The following VAC14 variants were observed in gnomAD, a reference collection of about 807,000 sequenced individuals.
The protein encoded by VAC14 is protein VAC14 homolog.
Under a neutral mutation model 85.3 loss-of-function variants are expected in VAC14, and 47 were observed. The ratio of observed to expected loss-of-function variants is 0.55; its 90% CI spans 0.44 to 0.70. The LOEUF (loss-of-function observed/expected upper bound fraction) is 0.70. Ranked by LOEUF, VAC14 falls within the 30% of genes least tolerant of loss-of-function variation. The pLI, the probability that VAC14 is intolerant of heterozygous loss-of-function variation, is 0.00. For synonymous variants in VAC14, 447 were observed against 430.5 expected (o/e 1.04, Z -0.47); for missense variants, 861 against 1,004.3 (o/e 0.86, Z 1.93).
chr16:70,736,376 G>A (rs2054753482), intron 13 of VAC14, among the ~76,000 whole-genome samples: 1 of 152,178 alleles, frequency 6.6e-6, no homozygotes, highest in Admixed American at 6.5e-5. Flanking sequence ...CAGAATGGAT[G>A]TCTGGGGGCT....
chr16:70,707,967 T>A (rs1410520369), intron 14 of VAC14, among the ~76,000 whole-genome samples: 1 of 152,136 alleles, frequency 6.6e-6, no homozygotes, highest in South Asian at 2.1e-4. Context: ...ATTTTTGTAT[T>A]TTTAGTAGAG....
At chr16:70,797,778 G>A (rs1483816810) in intron 1 of VAC14, among the ~76,000 whole-genome samples, 1 of 152,122 alleles carries the variant, frequency 6.6e-6, no homozygotes, top group Non-Finnish European at 1.5e-5. Context: ...GTGATAGTGA[G>A]TTCTCAAGAG....
intron 9 of VAC14, among the ~76,000 whole-genome samples, chr16:70,779,922 C>CCTCCTGGG (rs1188058510): frequency 1.2e-4 from 19 of 152,098 alleles, no homozygotes; most frequent in Admixed American, 6.5e-5. Context: ...GCAACTTCTG[C>CCTCCTGGG]CTCCTGGGCT....
chr16:70,800,622 C>T (rs541511844), intron 1 of VAC14, among the ~76,000 whole-genome samples, 175 bp downstream of exon 1: 6 of 152,318 alleles, frequency 3.9e-5, no homozygotes, highest in African/African-American at 7.2e-5. Context: ...CACAGCCAGT[C>T]AGGAGTAAAG....
chr16:70,709,230 C>T (rs1220428516), intron 14 of VAC14, among the ~76,000 whole-genome samples: 1 of 152,188 alleles, frequency 6.6e-6, no homozygotes, highest in Non-Finnish European at 1.5e-5. Context: ...CAAAGACCCC[C>T]TTGGTCAGCC....
chr16:70,781,780 GAGAGCCCC>G, intron 8 of VAC14, 81 bp downstream of exon 8: 29 of 1,530,240 alleles, frequency 1.9e-5, no homozygotes, highest in Non-Finnish European at 2.4e-5. Flanking sequence ...TGGATCCTAA[GAGAGCCCC>G]CAGCCCCCAG....
intron 12 of VAC14, chr16:70,747,171 T>C (rs2030966358): frequency 6.6e-6 from 1 of 152,142 alleles, no homozygotes; most frequent in African/African-American, 2.4e-5. Flanking sequence ...ATGAAGTACC[T>C]GCTACACGTG....
intron 14 of VAC14, among the ~76,000 whole-genome samples, chr16:70,712,036 G>A (rs753865010): frequency 5.3e-5 from 8 of 152,112 alleles, no homozygotes; most frequent in East Asian, 1.9e-4. Flanking sequence ...AGTTATTCTC[G>A]GCCAAATGGA....
intron 13 of VAC14, among the ~76,000 whole-genome samples, chr16:70,743,335 C>T (rs1252301592): frequency 2.0e-5 from 3 of 152,222 alleles, no homozygotes; most frequent in Non-Finnish European, 4.4e-5. Flanking sequence ...AGGACGTGAG[C>T]GGGACCAAAA....
intron 12 of VAC14, among the ~76,000 whole-genome samples, chr16:70,745,533 G>A (rs959353554): frequency 9.9e-5 from 15 of 151,206 alleles, no homozygotes; most frequent in African/African-American, 2.9e-4. Flanking sequence ...GTGTGCGCGC[G>A]TGTGCCTGTG....
chr16:70,797,406 A>G (rs902275435), intron 1 of VAC14, among the ~76,000 whole-genome samples: 10 of 152,236 alleles, frequency 6.6e-5, no homozygotes, highest in African/African-American at 2.2e-4. Flanking sequence ...GCTGTGTAAC[A>G]TAACATATTC....
chr16:70,761,024 G>GT (rs1567577775), intron 12 of VAC14: 1 of 197,510 alleles, frequency 5.1e-6, no homozygotes, highest in African/African-American at 9.0e-5. Context: ...TGTGTGCATG[G>GT]GGGGGCGGGG....
At chr16:70,757,986 C>A (rs562153878) in intron 12 of VAC14, among the ~76,000 whole-genome samples, 2 of 152,232 alleles carry the variant, frequency 1.3e-5, no homozygotes, top group African/African-American at 4.8e-5. Flanking sequence ...GTGCTCTTAA[C>A]CACCAGGCCT....
At chr16:70,735,067 A>G (rs968016710) in intron 13 of VAC14, among the ~76,000 whole-genome samples, 1 of 152,206 alleles carries the variant, frequency 6.6e-6, no homozygotes, top group East Asian at 1.9e-4. Flanking sequence ...TAAAGACGGA[A>G]ACCCAGGTCC....
intron 9 of VAC14, chr16:70,772,379 A>G (rs986539401): frequency 1.8e-6 from 1 of 549,302 alleles, no homozygotes; most frequent in Non-Finnish European, 3.3e-6. Flanking sequence ...CTGTAGTCAC[A>G]GTGATCTCAC....
chr16:70,749,082 A>G (rs2031164622), intron 12 of VAC14, among the ~76,000 whole-genome samples: 1 of 152,256 alleles, frequency 6.6e-6, no homozygotes, highest in Non-Finnish European at 1.5e-5. Context: ...GCTGTTGTGA[A>G]GATTACAAGA....
chr16:70,787,213 T>C (rs964700703), intron 1 of VAC14, among the ~76,000 whole-genome samples: 27 of 152,214 alleles, frequency 1.8e-4, no homozygotes, highest in African/African-American at 6.3e-4. Context: ...GGGAGACTGA[T>C]GCCGGGGACG....
intron 14 of VAC14, among the ~76,000 whole-genome samples, chr16:70,730,244 C>T (rs1015527491): frequency 1.3e-5 from 2 of 152,004 alleles, no homozygotes; most frequent in Non-Finnish European, 2.9e-5. Flanking sequence ...ACCTCAGCCC[C>T]TCCAACCCAT....
At chr16:70,719,041 G>C (rs1466745522) in intron 14 of VAC14, among the ~76,000 whole-genome samples, 1 of 152,218 alleles carries the variant, frequency 6.6e-6, no homozygotes, top group African/African-American at 2.4e-5. Flanking sequence ...AAGATTAGTG[G>C]TTCCCAGCTC....
Sources: allele counts gnomAD v4.1 joint callset (sites outside exome capture counted in the v4.1 genomes callset), GRCh38; gene constraint gnomAD v4.1.1; transcripts MANE v1.5; gene names NCBI Gene and HGNC (gene_info 2026-07-23, HGNC 2026-07-21).